FCGR2B: variants seen among roughly 807,000 people sequenced by gnomAD.
FCGR2B encodes Fc gamma receptor IIb.
A neutral mutation model predicts 24.8 loss-of-function variants in FCGR2B; 18 were observed. That is an observed-to-expected ratio of 0.73 (90% CI 0.50 to 1.08). The LOEUF is 1.08. Ranked by LOEUF, FCGR2B falls within the 50% of genes least tolerant of loss-of-function variation. The pLI is 0.00. For missense variants in FCGR2B, 215 were observed against 297.6 expected (o/e 0.72, Z 2.04); for synonymous variants, 79 against 109.8 (o/e 0.72, Z 1.75).
chr1:161,672,070 G>A (rs1390814474), intron 3 of FCGR2B: 8 of 219,082 alleles, frequency 3.7e-5, no homozygotes, highest in Non-Finnish European at 5.4e-5. Context: ...GTGTTTCCCT[G>A]CCCCCGCCCC....
At chr1:161,660,989 G>A (rs577181341), upstream of FCGR2B, among the ~76,000 whole-genome samples, 96 of 81,260 alleles carry the variant, frequency 1.2e-3, no homozygotes, top group Non-Finnish European at 1.5e-3. Flanking sequence ...CAGGAGAATC[G>A]CTTGAACCCG....
At chr1:161,649,533 T>G in the FCGR2B span, among the ~76,000 whole-genome samples, 1 of 150,868 alleles carries the variant, frequency 6.6e-6, no homozygotes, top group Non-Finnish European at 1.5e-5. Context: ...GAACAATTGA[T>G]AAATCTTTTT....
At chr1:161,673,313 G>C in intron 4 of FCGR2B, 84 bp downstream of exon 4, 1 of 1,603,522 alleles carries the variant, frequency 6.2e-7, no homozygotes, top group Non-Finnish European at 8.5e-7. Context: ...ATGGAGGTCT[G>C]AGAAAGGCCA....
At chr1:161,653,383 G>A in the FCGR2B span, among the ~76,000 whole-genome samples, 3 of 130,436 alleles carry the variant, frequency 2.3e-5, no homozygotes, top group Admixed American at 2.6e-4. Context: ...TCCAGCCTGG[G>A]TGACAGAGCA....
At chr1:161,677,046 G>C (rs1009066581) in intron 6 of FCGR2B, 3 of 481,116 alleles carry the variant, frequency 6.2e-6, no homozygotes, top group Non-Finnish European at 1.1e-5. Context: ...AAGCCTCCCT[G>C]GTTTGCTTCT....
At chr1:161,669,537 T>C (rs1458923879) in intron 1 of FCGR2B, among the ~76,000 whole-genome samples, 1 of 142,410 alleles carries the variant, frequency 7.0e-6, no homozygotes, top group Non-Finnish European at 1.6e-5. Context: ...GTTATTGCAC[T>C]CCAGCCTGGG....
the FCGR2B span, among the ~76,000 whole-genome samples, chr1:161,650,657 A>G: frequency 1.4e-4 from 19 of 138,156 alleles, 1 homozygote; most frequent in South Asian, 2.9e-3. Flanking sequence ...TCTGTTGAGA[A>G]CCACTGGTGT....
At chr1:161,648,830 C>G in the FCGR2B span, among the ~76,000 whole-genome samples, 1 of 150,976 alleles carries the variant, frequency 6.6e-6, no homozygotes, top group Non-Finnish European at 1.5e-5. Flanking sequence ...GATGGGACTA[C>G]AGGCACACAC....
At chr1:161,654,392 T>A in the FCGR2B span, among the ~76,000 whole-genome samples, 6 of 136,958 alleles carry the variant, frequency 4.4e-5, 3 homozygotes, top group Non-Finnish European at 6.8e-5. Flanking sequence ...TGTTGTTTTT[T>A]CCTGTTCCTT....
the FCGR2B span, among the ~76,000 whole-genome samples, chr1:161,647,297 C>CTTTTTTT: frequency 1.3e-4 from 16 of 122,570 alleles, no homozygotes; most frequent in African/African-American, 4.9e-4. Flanking sequence ...GCTCTGGACT[C>CTTTTTTT]TTTTTTTTTT....
chr1:161,675,722 G>A (rs1470290666), intron 6 of FCGR2B: 2 of 236,968 alleles, frequency 8.4e-6, no homozygotes, highest in East Asian at 1.2e-4. Flanking sequence ...GGAGGAGGAG[G>A]CCTGGAAACC....
Position 161,677,630 on chromosome 1 carries a change from T to C in FCGR2B, c.*77T>C, listed in dbSNP as rs1396820278. The C allele has an allele frequency of 6.0e-6, 7 of 1,176,396 alleles. No individual in the cohort carries two copies. The highest frequency in any genetic ancestry group is 8.8e-6 in the Non-Finnish European group (7 of 797,854). The allele number at this position is 1,176,396 out of a possible 1,614,324, so 72.9% of individuals were successfully genotyped here. ...TGGTATTTCCTGGCCTAAATTCCCC[T>C]TGGGGAGGACAGGGAGATGCTGCAG... On this transcript the variant is annotated 3_prime_UTR_variant, in exon 8 of 8. Transcript: ENST00000358671.
At chr1:161,671,330 C>G (rs1219315711) in intron 2 of FCGR2B, 62 bp from the exon 3 acceptor site, 1 of 1,612,778 alleles carries the variant, frequency 6.2e-7, no homozygotes, top group African/African-American at 1.3e-5. Context: ...GTCTGAGATT[C>G]AGGGCCTCTC....
chr1:161,677,619 C>T lies in FCGR2B; in HGVS notation c.*66C>T. The stretch of plus-strand genomic sequence containing the variant: ...GAGGGAAGATCTGGTATTTCCTGGC[C>T]TAAATTCCCCTTGGGGAGGACAGGG... On this transcript the variant is annotated 3_prime_UTR_variant, in exon 8 of 8. Transcript: ENST00000358671. The T allele has an allele frequency of 7.8e-7, 1 of 1,282,812 alleles. No homozygotes were observed. 79.5% of individuals were successfully genotyped at this position (1,282,812 alleles called of 1,614,324 possible).
At chr1:161,652,311 A>C in the FCGR2B span, among the ~76,000 whole-genome samples, 619 of 131,236 alleles carry the variant, frequency 4.7e-3, 149 homozygotes, top group Non-Finnish European at 8.1e-3. Context: ...CCTTGAATTT[A>C]AGTTTGGGTA....
chr1:161,676,216 TGTCA>T (rs1383079669), intron 6 of FCGR2B: 1 of 222,164 alleles, frequency 4.5e-6, no homozygotes, highest in African/African-American at 2.2e-5. Context: ...AAAAAGAGGC[TGTCA>T]AAGACCCCAC....
intron 5 of FCGR2B, chr1:161,674,613 A>T (rs1227210788): frequency 5.0e-6 from 1 of 201,782 alleles, no homozygotes; most frequent in East Asian, 1.2e-4. Flanking sequence ...AAATGGGGAC[A>T]CTAATAGGAC....
chr1:161,676,195 G>A (rs1453686864), intron 6 of FCGR2B: 1 of 225,312 alleles, frequency 4.4e-6, no homozygotes, highest in Non-Finnish European at 8.8e-6. Context: ...ATGACAGTAA[G>A]AACAGGCAGA....
At chr1:161,651,433 T>C in the FCGR2B span, among the ~76,000 whole-genome samples, 1 of 93,254 alleles carries the variant, frequency 1.1e-5, no homozygotes, top group Non-Finnish European at 2.5e-5. Context: ...CAAAGTATTA[T>C]CGTGCATTAG....
Sources: gnomAD v4.1 joint callset for allele counts (sites outside exome capture counted in the v4.1 genomes callset) on GRCh38, gnomAD v4.1.1 for gene constraint, MANE v1.5 for transcripts, NCBI Gene and HGNC (gene_info 2026-07-23, HGNC 2026-07-21) for gene names.